Variants in CALR3 observed in about 807,000 individuals in gnomAD.
CALR3 encodes the protein calreticulin 3.
A neutral mutation model predicts 48.7 loss-of-function variants in CALR3; 39 were observed. That is an observed-to-expected ratio of 0.80 (90% confidence interval 0.62 to 1.05). CALR3 has a LOEUF of 1.05. Among genes scored for constraint, CALR3 ranks in the 50% least tolerant of loss-of-function variants. The pLI is 0.00. For synonymous variants in CALR3, 185 were observed against 172.7 expected (o/e 1.07, Z -0.56); for missense variants, 449 against 474.7 (o/e 0.95, Z 0.50).
chr19:16,489,097 C>T (rs1026449122), intron 3 of CALR3, among the ~76,000 whole-genome samples: 1 of 152,188 alleles, frequency 6.6e-6, no homozygotes, highest in Non-Finnish European at 1.5e-5. Context: ...CAGTTAAAAA[C>T]GTAAAAAACA....
chr19:16,494,878 A>C (rs2093403820), intron 2 of CALR3, among the ~76,000 whole-genome samples: 1 of 152,208 alleles, frequency 6.6e-6, no homozygotes, highest in Non-Finnish European at 1.5e-5. Context: ...TGATTTTATT[A>C]TACCAAATAA....
At chr19:16,495,244 A>C (rs1323987171) in intron 2 of CALR3, among the ~76,000 whole-genome samples, 1 of 58,416 alleles carries the variant, frequency 1.7e-5, no homozygotes, top group African/African-American at 5.1e-5. Context: ...AAAAAAAAAA[A>C]AAAAAAGGAA....
chr19:16,487,187 G>T (rs1005260706), intron 3 of CALR3, among the ~76,000 whole-genome samples: 3 of 151,888 alleles, frequency 2.0e-5, no homozygotes, highest in Non-Finnish European at 2.9e-5. Flanking sequence ...TAAAATTGTT[G>T]TAGAGATGGG....
At position 16,479,243 on chromosome 19, in the gene CALR3, G is replaced by T. The variant is rs2093376463; in HGVS notation, c.1043C>A (p.Ala348Asp). Reference sequence around the variant, plus strand: ...GCGGGCCTTCTTCATTTCCTCCTTGGCCTGTATGGCATCCATCTCCCTTTC... The same window carrying T: ...GCGGGCCTTCTTCATTTCCTCCTTGTCCTGTATGGCATCCATCTCCCTTTC... ...GPEREMDAIQ[A>D]KEEMKKAREE... Residue 348 changes from alanine (A) to aspartate (D), a missense_variant, in exon 9 of 9, where the codon GCC becomes GAC. Transcript: ENST00000269881. 1 of 1,613,828 alleles carries T rather than the reference G, an allele frequency of 6.2e-7. No individual in the cohort carries two copies. Among genetic ancestry groups the T allele is most frequent in the African/African-American group, 1.3e-5 (1 of 74,902 alleles).
chr19:16,490,015 A>G (rs2093395343), intron 3 of CALR3, among the ~76,000 whole-genome samples: 1 of 152,148 alleles, frequency 6.6e-6, no homozygotes, highest in Non-Finnish European at 1.5e-5. Context: ...AGCGTTGTTC[A>G]ACCAGTAAGG....
At position 16,490,383 on chromosome 19, in the gene CALR3, C is replaced by T. The variant is rs3810198; in HGVS notation, c.381G>A (p.Gln127=). 1,119,556 of 1,613,596 alleles carry T rather than the reference C, an allele frequency of 0.69. 390,319 individuals are homozygous for T. The highest frequency in any genetic ancestry group is 0.77 in the Middle Eastern group (4,662 of 6,062). The change falls in exon 3 of 9, where the codon CAG becomes CAA. Residue 127 remains glutamine, a synonymous_variant. Transcript: ENST00000269881. ...TAAACTCACCAAACATAATATAGTA[C>T]TGCGATTTTCCATTCAGGTTCTTCT... is the stretch of plus-strand genomic sequence containing the variant. The part of the protein sequence containing the change: ...IDQKNLNGKS[Q]YYIMFGPDIC...
In CALR3 at chr19:16,490,433, T is replaced by C. The variant is rs1471394443; in HGVS notation, c.331A>G (p.Lys111Glu). Residue 111 changes from lysine (K) to glutamate (E), a missense_variant, in exon 3 of 9, where the codon AAG becomes GAG. Physicochemically the swap from Lys to Glu is moderately conservative, Grantham distance 56. Transcript: ENST00000269881. The part of the protein sequence containing the change: ...QKMDCGGGYI[K>E]VFPADIDQKN... ...TGGTCAATGTCTGCAGGAAAGACCT[T>C]AATGTAGCCCCCTCCACAGTCCATC... is the stretch of plus-strand genomic sequence containing the variant. 2.5e-6 allele frequency: 4 copies of C among 1,614,072 alleles called. No homozygotes were observed. In the African/African-American group the frequency reaches 4.0e-5, roughly 16 times the overall value.
chr19:16,483,303 A>G (rs1486438378), intron 5 of CALR3, among the ~76,000 whole-genome samples: 1 of 152,158 alleles, frequency 6.6e-6, no homozygotes, highest in East Asian at 1.9e-4. Flanking sequence ...GCAACACCAC[A>G]CTGCCTAGAT....
chr19:16,479,870 C>T (rs1402176134), intron 8 of CALR3, among the ~76,000 whole-genome samples: 1 of 152,030 alleles, frequency 6.6e-6, no homozygotes, highest in Non-Finnish European at 1.5e-5. Context: ...TAGAAGCCTC[C>T]TCACCACCTA....
chr19:16,495,872 A>G lies in CALR3; in HGVS notation c.92-20T>C, dbSNP rs928109027. ...AATGCTCTGTGGGGAAGGGGAAATA[A>G]CACCGGTTAGAGGTGATAATGGTTA... On this transcript the variant is annotated intron_variant, in intron 1 of 8. Transcript: ENST00000269881. 1 of 1,607,766 alleles carries G rather than the reference A, an allele frequency of 6.2e-7. No homozygotes were observed. Among genetic ancestry groups the G allele is most frequent in the African/African-American group, 1.3e-5 (1 of 74,900 alleles).
In CALR3 at chr19:16,482,684, C is replaced by A. The variant is rs775009764; in HGVS notation, c.780G>T (p.Pro260=). 2 of 1,614,130 alleles carry A rather than the reference C, an allele frequency of 1.2e-6. No individual in the cohort carries two copies. The highest frequency in any genetic ancestry group is 1.7e-6 in the Non-Finnish European group (2 of 1,180,022). The change falls in exon 6 of 9, where the codon CCG becomes CCT. Residue 260 remains proline, a synonymous_variant. Transcript: ENST00000269881. Reference sequence around the variant, plus strand: ...ATACAAAGAGGCCACACACCTGGTACGGGGGCTTCTGGAGCATCGGCGCTG... The same window carrying A: ...ATACAAAGAGGCCACACACCTGGTAAGGGGGCTTCTGGAGCATCGGCGCTG... ...DWPAPMLQKP[P]YQDGLKPEGI...
At chr19:16,491,514 C>T (rs2093398048) in intron 2 of CALR3, among the ~76,000 whole-genome samples, 2 of 151,440 alleles carry the variant, frequency 1.3e-5, no homozygotes, top group Admixed American at 6.6e-5. Flanking sequence ...CATGCTGGCT[C>T]ACGCCTGTAA....
intron 2 of CALR3, among the ~76,000 whole-genome samples, chr19:16,491,161 C>T (rs920548488): frequency 2.6e-5 from 4 of 151,744 alleles, no homozygotes; most frequent in Non-Finnish European, 5.9e-5. Context: ...CTCGCTCTGT[C>T]GCCCAGGCTG....
At position 16,496,135 on chromosome 19, in the gene CALR3, T is replaced by A. The variant is rs1315287995; in HGVS notation, c.-6A>T. The A allele has an allele frequency of 1.3e-6, 2 of 1,594,406 alleles. No individual in the cohort carries two copies. The highest frequency in any genetic ancestry group is 1.7e-6 in the Non-Finnish European group (2 of 1,170,614). ...TGGACCAAAGCCCGGGCCATGGGGG[T>A]GTGCACTGCGCTTCCGGTCGCCGCC... On this transcript the variant is annotated 5_prime_UTR_variant, in exon 1 of 9. Transcript: ENST00000269881.
At chr19:16,481,904 C>CTTT (rs747167825) in intron 7 of CALR3, among the ~76,000 whole-genome samples, 3,424 of 72,186 alleles carry the variant, frequency 0.047, 160 homozygotes, top group African/African-American at 0.078. Context: ...ACTCCCATCT[C>CTTT]TTTTTTTTTT....
In CALR3 at chr19:16,490,375, A is replaced by T; in HGVS notation, c.389T>A (p.Ile130Asn). The change falls in exon 3 of 9, where the codon ATT (isoleucine) becomes AAT (asparagine). Residue 130 changes from isoleucine to asparagine, a missense_variant. By Grantham distance (149) the Ile-to-Asn change is moderately radical. Coordinates refer to ENST00000269881, the MANE Select transcript of CALR3 (RefSeq NM_145046.5). ...GCACCACGTAAACTCACCAAACATAATATAGTACTGCGATTTTCCATTCAG... is the reference window on the plus strand; with the variant it reads ...GCACCACGTAAACTCACCAAACATATTATAGTACTGCGATTTTCCATTCAG... ...KNLNGKSQYY[I>N]MFGPDICGFD... is the part of the protein sequence containing the mutation. 6.2e-7 allele frequency: 1 copy of T among 1,614,162 alleles called. No homozygotes were observed. Among genetic ancestry groups the T allele is most frequent in the Non-Finnish European group, 8.5e-7 (1 of 1,180,016 alleles).
intron 3 of CALR3, among the ~76,000 whole-genome samples, chr19:16,485,812 C>T (rs2093388208): frequency 6.9e-6 from 1 of 145,816 alleles, no homozygotes; most frequent in African/African-American, 2.5e-5. Flanking sequence ...GCATGTACCA[C>T]CAGGCCCAGC....
intron 3 of CALR3, among the ~76,000 whole-genome samples, chr19:16,486,068 C>A (rs1304720556): frequency 1.3e-4 from 20 of 152,020 alleles, no homozygotes; most frequent in Admixed American, 1.3e-3. Context: ...CTGCTAATCC[C>A]AGCACTTTAG....
chr19:16,492,694 C>G (rs550685388), intron 2 of CALR3, among the ~76,000 whole-genome samples: 134 of 151,102 alleles, frequency 8.9e-4, no homozygotes, highest in Middle Eastern at 3.4e-3. Flanking sequence ...GAAACCCTGT[C>G]TCTACTAAAA....
Sources: gnomAD v4.1 joint callset for allele counts (sites outside exome capture counted in the v4.1 genomes callset) on GRCh38, gnomAD v4.1.1 for gene constraint, MANE v1.5 for transcripts, NCBI Gene and HGNC (gene_info 2026-07-23, HGNC 2026-07-21) for gene names.